The following SHANK2 variants were observed in gnomAD, a reference collection of about 807,000 sequenced individuals.
SHANK2 encodes the protein SH3 and multiple ankyrin repeat domains 2, also known as SH3 and multiple ankyrin repeat domains protein 2.
Under a neutral mutation model 133.7 loss-of-function variants are expected in SHANK2, and 43 were observed. That is an observed-to-expected ratio of 0.32 (90% CI 0.25 to 0.41). SHANK2 has a LOEUF of 0.41. SHANK2 is among the 10% of genes least tolerant of loss of function. The pLI, the probability that SHANK2 is intolerant of heterozygous loss-of-function variation, is 1.00. For synonymous variants in SHANK2, 1,017 were observed against 952.8 expected (o/e 1.07, Z -1.24); for missense variants, 1,994 against 2,235.8 (o/e 0.89, Z 2.18).
Position 70,478,328 on chromosome 11 carries a change from A to G in SHANK2, c.4980-4889T>C, listed in dbSNP as rs538401246. Reference sequence around the variant, plus strand: ...AACATGGGCCAGGGGCTGGTCAGTGATGCTGATTAGGCATGCTGGTTCTGT... The same window carrying G: ...AACATGGGCCAGGGGCTGGTCAGTGGTGCTGATTAGGCATGCTGGTTCTGT... On this transcript the variant is annotated intron_variant, in intron 25 of 25. Coordinates refer to ENST00000601538, the MANE Select transcript of SHANK2 (RefSeq NM_012309.5). Among the ~76,000 whole-genome samples, 22 of 152,242 alleles carry G rather than the reference A, an allele frequency of 1.4e-4. No homozygotes were observed. In the South Asian group the frequency reaches 3.7e-3, roughly 26 times the overall value.
chr11:70,706,342 G>A (rs1945663135), intron 14 of SHANK2, among the ~76,000 whole-genome samples: 1 of 152,190 alleles, frequency 6.6e-6, no homozygotes, highest in Non-Finnish European at 1.5e-5. Context: ...ATGGGTCAAA[G>A]CCACACACCC....
rs557430563 is a variant in SHANK2 at position 71,112,655 on chromosome 11, G to A, written c.483+638C>T. Among the ~76,000 whole-genome samples the A allele has an allele frequency of 8.9e-4, 136 of 152,170 alleles. 1 individual carries two copies. Among genetic ancestry groups the A allele is most frequent in the Admixed American group, 3.3e-3 (51 of 15,292 alleles). On this transcript the variant is annotated intron_variant, in intron 5 of 25. Coordinates refer to ENST00000601538, the MANE Select transcript of SHANK2 (RefSeq NM_012309.5). ...CAGGGGCCAGGACAAAAGCCTCCTG[G>A]GTATTACAGATTCCTCCTCCTGTTG...
chr11:70,522,122 G>C (rs2059338162), intron 17 of SHANK2, among the ~76,000 whole-genome samples: 1 of 152,188 alleles, frequency 6.6e-6, no homozygotes, highest in Non-Finnish European at 1.5e-5. Context: ...GTTCCGCCAC[G>C]TGATTCTGAC....
At chr11:70,708,586 A>G (rs1474858013) in intron 14 of SHANK2, among the ~76,000 whole-genome samples, 3 of 152,184 alleles carry the variant, frequency 2.0e-5, no homozygotes, top group Admixed American at 6.5e-5. Flanking sequence ...TCCTGTGTCC[A>G]TGACAAAGAC....
At chr11:71,098,201 G>A (rs1407737643) in intron 6 of SHANK2, among the ~76,000 whole-genome samples, 1 of 151,098 alleles carries the variant, frequency 6.6e-6, no homozygotes, top group Non-Finnish European at 1.5e-5. Context: ...ATGTGTACAT[G>A]CCTGTGCGTG....
intron 13 of SHANK2, among the ~76,000 whole-genome samples, chr11:70,805,411 C>G (rs1241647967): frequency 2.0e-5 from 3 of 152,228 alleles, no homozygotes; most frequent in Non-Finnish European, 4.4e-5. Context: ...CTAGGAACTT[C>G]AGCTCTCACT....
intron 17 of SHANK2, among the ~76,000 whole-genome samples, chr11:70,528,857 C>T (rs2059432786): frequency 6.6e-6 from 1 of 152,114 alleles, no homozygotes; most frequent in Non-Finnish European, 1.5e-5. Context: ...CAGGTGGCGA[C>T]TCCTGCTCCA....
chr11:71,074,439 A>G (rs1289160843), intron 9 of SHANK2, among the ~76,000 whole-genome samples: 1 of 151,680 alleles, frequency 6.6e-6, no homozygotes, highest in African/African-American at 2.4e-5. Context: ...GTGGGTTACA[A>G]TTTTTCTGGA....
At chr11:70,823,647 G>A (rs1324583197) in intron 11 of SHANK2, among the ~76,000 whole-genome samples, 9 of 149,604 alleles carry the variant, frequency 6.0e-5, no homozygotes, top group African/African-American at 2.2e-4. Context: ...GGGGGACAGA[G>A]GTGGCATTGG....
At chr11:70,552,337 G>A (rs548690931) in intron 17 of SHANK2, among the ~76,000 whole-genome samples, 1 of 152,294 alleles carries the variant, frequency 6.6e-6, no homozygotes, top group South Asian at 2.1e-4. Flanking sequence ...GGGAGGTTGG[G>A]ACTCCTGGTG....
chr11:71,166,395 G>T (rs1555110841), intron 2 of SHANK2, among the ~76,000 whole-genome samples: 2 of 151,808 alleles, frequency 1.3e-5, no homozygotes, highest in African/African-American at 2.4e-5. Flanking sequence ...AGAATGCAGT[G>T]AATTCTCATA....
At chr11:70,675,191 C>G (rs1302357704) in intron 15 of SHANK2, among the ~76,000 whole-genome samples, 1 of 152,226 alleles carries the variant, frequency 6.6e-6, no homozygotes, top group Non-Finnish European at 1.5e-5. Context: ...TTTTTATGCT[C>G]TGGTTGGCTC....
At chr11:70,635,280 T>C (rs77833085) in intron 17 of SHANK2, 1 of 152,324 alleles carries the variant, frequency 6.6e-6, no homozygotes, top group African/African-American at 2.4e-5. Context: ...GCACTATTCA[T>C]GGTAGCTAAG....
intron 17 of SHANK2, among the ~76,000 whole-genome samples, chr11:70,627,419 C>A (rs1179247086): frequency 6.6e-6 from 1 of 152,194 alleles, no homozygotes; most frequent in East Asian, 1.9e-4. Context: ...CCCAGCAGAC[C>A]TGACAGGGCA....
chr11:70,719,076 C>G (rs1353018369), intron 14 of SHANK2, among the ~76,000 whole-genome samples: 1 of 152,230 alleles, frequency 6.6e-6, no homozygotes, highest in Non-Finnish European at 1.5e-5. Context: ...TTCTTACGTT[C>G]ACTGCCCATG....
intron 17 of SHANK2, among the ~76,000 whole-genome samples, chr11:70,618,697 A>G (rs2060789805): frequency 6.6e-6 from 1 of 152,256 alleles, no homozygotes; most frequent in Non-Finnish European, 1.5e-5. Context: ...CTTCTGGGTT[A>G]AATCAGCCCA....
intron 10 of SHANK2, chr11:70,911,076 T>G (rs1202544742): frequency 2.2e-6 from 1 of 456,858 alleles, no homozygotes; most frequent in East Asian, 7.0e-5. Flanking sequence ...CCCCCAGACT[T>G]CCTCCAAAAT....
At chr11:71,105,439 A>G (rs1951786727) in intron 6 of SHANK2, among the ~76,000 whole-genome samples, 1 of 151,932 alleles carries the variant, frequency 6.6e-6, no homozygotes, top group Admixed American at 6.6e-5. Context: ...CTAAAAATAA[A>G]AAAATTAGTT....
intron 2 of SHANK2, among the ~76,000 whole-genome samples, chr11:71,172,597 C>CAAAA (rs10623588): frequency 9.3e-6 from 1 of 107,264 alleles, no homozygotes. Context: ...GACTCTGTCT[C>CAAAA]AAAAAAAAAA....
Sources: gnomAD v4.1 joint callset for allele counts (sites outside exome capture counted in the v4.1 genomes callset) on GRCh38, gnomAD v4.1.1 for gene constraint, MANE v1.5 for transcripts, NCBI Gene and HGNC (gene_info 2026-07-23, HGNC 2026-07-21) for gene names.